The following GNAL variants were observed in gnomAD, a reference collection of about 807,000 sequenced individuals.
GNAL encodes guanine nucleotide-binding protein G(olf) subunit alpha.
A neutral mutation model predicts 55.1 loss-of-function variants in GNAL; 18 were observed. The observed-to-expected ratio is 0.33, with a 90% CI of 0.23 to 0.48. GNAL has a LOEUF of 0.48. GNAL is among the 20% of genes least tolerant of loss of function. The probability of loss-of-function intolerance (pLI) is 0.99; values close to 1 mark genes in which losing one functional copy is unlikely to be tolerated. For synonymous variants in GNAL, 253 were observed against 237.0 expected, an observed-to-expected ratio of 1.07 and a Z score of -0.62; for missense variants, 412 against 614.1, an observed-to-expected ratio of 0.67 and a Z score of 3.48.
At chr18:11,698,353 T>C (rs1308195228) in intron 1 of GNAL, among the ~76,000 whole-genome samples, 1 of 151,688 alleles carries the variant, frequency 6.6e-6, no homozygotes, top group Non-Finnish European at 1.5e-5. Flanking sequence ...TAACTGGGCG[T>C]GGTGGTGCAC....
chr18:11,794,456 G>T (rs1405997912), intron 4 of GNAL, among the ~76,000 whole-genome samples: 1 of 152,168 alleles, frequency 6.6e-6, no homozygotes, highest in Non-Finnish European at 1.5e-5. Context: ...AAAACAGTAT[G>T]CTAAGTGACA....
At position 11,753,797 on chromosome 18, in the gene GNAL, TC is replaced by T. The variant is rs762815069; in HGVS notation, c.505-27del. Reference sequence around the variant, plus strand: ...ATCATACATGGAGCCTAAATGTTTATCCATATTTTTTTTCTTATTCCATTTT... The same window carrying T: ...ATCATACATGGAGCCTAAATGTTTATCATATTTTTTTTCTTATTCCATTTT... On this transcript the variant is annotated intron_variant, in intron 3 of 11. Transcript: ENST00000334049. The T allele has an allele frequency of 5.7e-6, 9 of 1,570,634 alleles. No individual in the cohort carries two copies. In the African/African-American group the frequency reaches 1.1e-4, roughly 19 times the overall value.
chr18:11,694,196 T>C (rs931395226), intron 1 of GNAL, among the ~76,000 whole-genome samples: 2 of 151,982 alleles, frequency 1.3e-5, no homozygotes, highest in African/African-American at 4.8e-5. Context: ...GTTAGTCCCG[T>C]CTCCCATCAT....
chr18:11,867,853 G>A (rs2036301242), intron 8 of GNAL, among the ~76,000 whole-genome samples: 1 of 151,742 alleles, frequency 6.6e-6, no homozygotes, highest in Non-Finnish European at 1.5e-5. Context: ...AGCCGGGTGT[G>A]GTGGCTCATG....
At chr18:11,758,861 T>C (rs770838594) in intron 4 of GNAL, among the ~76,000 whole-genome samples, 15 of 152,328 alleles carry the variant, frequency 9.8e-5, no homozygotes, top group Non-Finnish European at 1.8e-4. Flanking sequence ...AAACATAGAT[T>C]AGCTGATCAT....
intron 4 of GNAL, among the ~76,000 whole-genome samples, chr18:11,782,042 C>T (rs201683773): frequency 2.0e-5 from 3 of 152,166 alleles, no homozygotes; most frequent in East Asian, 3.8e-4. Context: ...GTTGGCCAGG[C>T]GCAGTGGCTC....
chr18:11,796,575 CA>C (rs760136358), intron 4 of GNAL, among the ~76,000 whole-genome samples: 223 of 58,952 alleles, frequency 3.8e-3, no homozygotes, highest in East Asian at 0.02. Flanking sequence ...CTCCTTCTCA[CA>C]AAAAAAAAAA....
In GNAL at chr18:11,884,476, A is replaced by G; in HGVS notation, c.*3341A>G. ...TGTCTTACGCTTTCCGAGCAAGTTC[A>G]AACCAGAAAGAAAAGGTGAGGCTAG... On this transcript the variant is annotated 3_prime_UTR_variant, in exon 12 of 12. Transcript: ENST00000334049. 1 of 1,614,122 alleles carries G rather than the reference A, an allele frequency of 6.2e-7. No individual in the cohort carries two copies. The highest frequency in any genetic ancestry group is 8.5e-7 in the Non-Finnish European group (1 of 1,180,018).
At chr18:11,800,457 C>T (rs1025518419) in intron 4 of GNAL, among the ~76,000 whole-genome samples, 11 of 152,088 alleles carry the variant, frequency 7.2e-5, no homozygotes, top group Non-Finnish European at 1.3e-4. Flanking sequence ...AGGATGGGCT[C>T]GTGATGGATA....
In GNAL at chr18:11,790,466, T is replaced by C. The variant is rs1598461006; in HGVS notation, c.625-34452T>C. Among the ~76,000 whole-genome samples, 7 of 152,290 alleles carry C rather than the reference T, an allele frequency of 4.6e-5. 1 individual carries two copies. In the South Asian group the frequency reaches 1.5e-3, roughly 32 times the overall value. On this transcript the variant is annotated intron_variant, in intron 4 of 11. Transcript: ENST00000334049. ...ACACTAAGATGGACTTCATTTTTAA[T>C]ACAGACTCATAAAGCATTTTTAACC... is the stretch of plus-strand genomic sequence containing the variant.
intron 5 of GNAL, among the ~76,000 whole-genome samples, chr18:11,850,059 A>G (rs927634784): frequency 3.3e-5 from 5 of 152,224 alleles, no homozygotes; most frequent in African/African-American, 1.2e-4. Context: ...CAGGGTGTCA[A>G]TAGGCAGAGA....
chr18:11,812,414 A>G (rs746148945), intron 4 of GNAL, among the ~76,000 whole-genome samples: 5 of 152,228 alleles, frequency 3.3e-5, no homozygotes, highest in Non-Finnish European at 7.3e-5. Context: ...CCCAGGCCTC[A>G]AGGATCTTGA....
intron 1 of GNAL, among the ~76,000 whole-genome samples, chr18:11,693,733 A>G (rs988637227): frequency 2.2e-5 from 3 of 136,584 alleles, no homozygotes; most frequent in Non-Finnish European, 3.0e-5. Context: ...CACTTGCTCC[A>G]GCAGTGTCTT....
intron 4 of GNAL, among the ~76,000 whole-genome samples, chr18:11,773,749 G>C (rs190854496): frequency 6.6e-6 from 1 of 152,192 alleles, no homozygotes; most frequent in Non-Finnish European, 1.5e-5. Flanking sequence ...GCAGCACTGT[G>C]CTCTAGCCTG....
chr18:11,783,584 A>G (rs921675370), intron 4 of GNAL, among the ~76,000 whole-genome samples: 1 of 152,224 alleles, frequency 6.6e-6, no homozygotes. Flanking sequence ...CAAACATAGA[A>G]AATAGAAATA....
rs1226000355 is a variant in GNAL, at chr18:11,876,776, A to T, written c.1230+88A>T. 3.9e-5 allele frequency: 31 copies of T among 800,338 alleles called. No homozygotes were observed. In the East Asian group the frequency reaches 7.6e-4, roughly 20 times the overall value. The allele number at this position is 800,338 out of a possible 1,614,324, so 49.6% of individuals were successfully genotyped here. A position where few individuals can be genotyped will look rare whatever the true frequency, so the allele number is the denominator to read the frequency against. ...ATGCAAATTACTCCTTGATGATCTC[A>T]TTTAATCTTCCTTAACATTACGAGC... On this transcript the variant is annotated intron_variant, in intron 11 of 11. Coordinates refer to ENST00000334049, the MANE Select transcript of GNAL (RefSeq NM_182978.4).
At chr18:11,761,252 G>A (rs1468561373) in intron 4 of GNAL, among the ~76,000 whole-genome samples, 1 of 152,178 alleles carries the variant, frequency 6.6e-6, no homozygotes, top group Non-Finnish European at 1.5e-5. Context: ...CCCATGCCAA[G>A]AGCTGACATG....
chr18:11,774,051 C>T (rs779472407), intron 4 of GNAL, among the ~76,000 whole-genome samples: 4 of 152,186 alleles, frequency 2.6e-5, no homozygotes, highest in Non-Finnish European at 5.9e-5. Flanking sequence ...TACAATAATA[C>T]ATCTGAAGTG....
chr18:11,773,431 A>C (rs2033691090), intron 4 of GNAL, among the ~76,000 whole-genome samples: 1 of 152,160 alleles, frequency 6.6e-6, no homozygotes, highest in Admixed American at 6.5e-5. Context: ...TTGTTTCTTA[A>C]GGCTCTTTTT....
Sources: gnomAD v4.1 joint callset for allele counts (sites outside exome capture counted in the v4.1 genomes callset) on GRCh38, gnomAD v4.1.1 for gene constraint, MANE v1.5 for transcripts, NCBI Gene and HGNC (gene_info 2026-07-23, HGNC 2026-07-21) for gene names.